Variants in PDE4B observed in about 807,000 individuals in gnomAD.
The protein encoded by PDE4B is phosphodiesterase 4B.
In PDE4B, 20 loss-of-function variants were observed where a neutral mutation model predicts 82.2. The ratio of observed to expected loss-of-function variants is 0.24; its 90% CI spans 0.17 to 0.35. The LOEUF is 0.35. Ranked by LOEUF, PDE4B falls within the 10% of genes least tolerant of loss-of-function variation. The pLI, the probability that PDE4B is intolerant of heterozygous loss-of-function variation, is 1.00. For synonymous variants in PDE4B, 320 were observed against 318.9 expected (o/e 1.00, Z -0.04); for missense variants, 655 against 907.2 (o/e 0.72, Z 3.57).
chr1:66,106,436 G>A (rs899986899), intron 3 of PDE4B, among the ~76,000 whole-genome samples: 1 of 152,026 alleles, frequency 6.6e-6, no homozygotes, highest in Non-Finnish European at 1.5e-5. Context: ...TTGGTATCAG[G>A]ATGATGCTGG....
At chr1:66,068,210 C>A (rs944290264) in intron 3 of PDE4B, among the ~76,000 whole-genome samples, 2 of 151,816 alleles carry the variant, frequency 1.3e-5, no homozygotes, top group Non-Finnish European at 2.9e-5. Context: ...ACTTGGAGAA[C>A]TATCCCTGAA....
At chr1:65,965,252 C>CG (rs951244542) in intron 3 of PDE4B, among the ~76,000 whole-genome samples, 2 of 151,920 alleles carry the variant, frequency 1.3e-5, no homozygotes, top group Non-Finnish European at 2.9e-5. Flanking sequence ...TTCCTCCCCC[C>CG]CCCATGGAAA....
intron 3 of PDE4B, among the ~76,000 whole-genome samples, chr1:65,936,048 T>G (rs973787632): frequency 3.3e-5 from 5 of 152,200 alleles, no homozygotes; most frequent in Non-Finnish European, 7.3e-5. Flanking sequence ...TTTTTTCTTT[T>G]TTACGTTTTA....
At chr1:66,304,986 G>T (rs973005299) in intron 7 of PDE4B, among the ~76,000 whole-genome samples, 42 of 152,092 alleles carry the variant, frequency 2.8e-4, no homozygotes, top group African/African-American at 1.0e-3. Context: ...TATAGGTACT[G>T]GTGTACAGCA....
At chr1:65,859,869 C>T (rs1471576569) in intron 1 of PDE4B, among the ~76,000 whole-genome samples, 3 of 152,176 alleles carry the variant, frequency 2.0e-5, no homozygotes, top group Admixed American at 2.0e-4. Flanking sequence ...GAGAGATACA[C>T]ATTAGAAAAA....
intron 1 of PDE4B, among the ~76,000 whole-genome samples, chr1:65,887,260 T>C (rs141755790): frequency 0.4 from 3,796 of 9,484 alleles, 337 homozygotes; most frequent in South Asian, 0.46. Flanking sequence ...TCTTTCTTTC[T>C]TTCCTTCCTT....
intron 3 of PDE4B, among the ~76,000 whole-genome samples, chr1:66,036,375 G>A (rs192986553): frequency 1.2e-3 from 180 of 152,198 alleles, no homozygotes; most frequent in Admixed American, 1.9e-3. Flanking sequence ...TGCTTTTGGG[G>A]TCATATCCAA....
chr1:66,131,564 C>A (rs1645943735), intron 3 of PDE4B, among the ~76,000 whole-genome samples: 1 of 101,700 alleles, frequency 9.8e-6, no homozygotes, highest in African/African-American at 3.5e-5. Flanking sequence ...TATTAACTTT[C>A]AATATTTTCA....
intron 3 of PDE4B, among the ~76,000 whole-genome samples, chr1:65,974,574 T>C (rs1485662602): frequency 1.3e-5 from 2 of 152,184 alleles, no homozygotes; most frequent in African/African-American, 4.8e-5. Flanking sequence ...CAGTGTGATA[T>C]GGTTTAGATT....
chr1:66,065,832 A>G (rs1255907728), intron 3 of PDE4B, among the ~76,000 whole-genome samples: 3 of 151,894 alleles, frequency 2.0e-5, no homozygotes, highest in South Asian at 2.1e-4. Context: ...GTAGATATCA[A>G]TGAATATACA....
At chr1:66,116,764 C>G (rs1178044650) in intron 3 of PDE4B, among the ~76,000 whole-genome samples, 1 of 152,248 alleles carries the variant, frequency 6.6e-6, no homozygotes. Context: ...GGGGTTTTGC[C>G]ATGTTGCCCA....
At chr1:66,300,424 G>T (rs1657802993) in intron 7 of PDE4B, among the ~76,000 whole-genome samples, 1 of 152,104 alleles carries the variant, frequency 6.6e-6, no homozygotes, top group African/African-American at 2.4e-5. Context: ...CTTGCTCAGA[G>T]ATCGGCCAGT....
chr1:65,850,661 G>T (rs1646321347), intron 1 of PDE4B, among the ~76,000 whole-genome samples: 1 of 152,054 alleles, frequency 6.6e-6, no homozygotes, highest in Admixed American at 6.6e-5. Flanking sequence ...GTGTGTATTT[G>T]TGTGTATATG....
chr1:66,243,248 TG>T (rs1412173785), intron 3 of PDE4B, among the ~76,000 whole-genome samples: 1 of 151,998 alleles, frequency 6.6e-6, no homozygotes, highest in Non-Finnish European at 1.5e-5. Flanking sequence ...CACAAGGCAG[TG>T]GGGTCTGAGG....
chr1:66,078,443 C>T (rs770951099), intron 3 of PDE4B, among the ~76,000 whole-genome samples: 1 of 152,110 alleles, frequency 6.6e-6, no homozygotes, highest in Non-Finnish European at 1.5e-5. Context: ...CTCCTGACCT[C>T]AGGCAATCTG....
intron 3 of PDE4B, among the ~76,000 whole-genome samples, chr1:66,164,559 A>AAAG (rs1646684718): frequency 8.0e-6 from 1 of 125,076 alleles, no homozygotes; most frequent in Non-Finnish European, 1.7e-5. Flanking sequence ...AAAAAAAAAA[A>AAAG]AAAGAAAGAA....
chr1:66,356,188 G>A (rs1215184597), intron 9 of PDE4B, among the ~76,000 whole-genome samples: 1 of 152,158 alleles, frequency 6.6e-6, no homozygotes, highest in Non-Finnish European at 1.5e-5. Flanking sequence ...ATTATCTGAA[G>A]GATTTCATCT....
intron 3 of PDE4B, among the ~76,000 whole-genome samples, chr1:66,173,491 C>T (rs1483394727): frequency 6.6e-6 from 1 of 152,198 alleles, no homozygotes; most frequent in African/African-American, 2.4e-5. Flanking sequence ...GCTGCTAAAC[C>T]CGCAAGAGTC....
chr1:65,982,378 C>T (rs1650734049), intron 3 of PDE4B, among the ~76,000 whole-genome samples: 1 of 152,134 alleles, frequency 6.6e-6, no homozygotes, highest in South Asian at 2.1e-4. Flanking sequence ...GGACAGACTA[C>T]ATTGAAGAAG....
Sources: gnomAD v4.1 joint callset for allele counts (sites outside exome capture counted in the v4.1 genomes callset) on GRCh38, gnomAD v4.1.1 for gene constraint, MANE v1.5 for transcripts, NCBI Gene and HGNC (gene_info 2026-07-23, HGNC 2026-07-21) for gene names.